SBNO1: variants seen among roughly 807,000 people sequenced by gnomAD.
SBNO1 encodes strawberry notch homolog 1.
SBNO1 carries 23 observed loss-of-function variants against 173.6 expected under a neutral mutation model. That is an observed-to-expected ratio of 0.13 (90% CI 0.10 to 0.19). The LOEUF (loss-of-function observed/expected upper bound fraction) is 0.19, where lower values mean the gene tolerates loss of function less well. Ranked by LOEUF, SBNO1 falls within the 10% of genes least tolerant of loss-of-function variation. SBNO1 has a pLI of 1.00. For missense variants in SBNO1, 1,238 were observed against 1,671.2 expected, an observed-to-expected ratio of 0.74 and a Z score of 4.52; for synonymous variants, 632 against 571.5, an observed-to-expected ratio of 1.11 and a Z score of -1.51.
At position 123,359,595 on chromosome 12, in the gene SBNO1, T is replaced by C. The variant is rs567696090; in HGVS notation, c.-1+5106A>G. 2.6e-4 allele frequency among the ~76,000 whole-genome samples: 40 copies of C among 151,836 alleles called. No individual in the cohort carries two copies. The East Asian group carries it at 6.6e-3, about 25-fold the overall frequency. On this transcript the variant is annotated intron_variant, in intron 1 of 31. Transcript: ENST00000602398. Reference sequence around the variant, plus strand: ...ATATATATATAGTTGTATGGGTATATGTATACTAGGTCACAATGTAAACCG... The same window carrying C: ...ATATATATATAGTTGTATGGGTATACGTATACTAGGTCACAATGTAAACCG...
chr12:123,297,998 TC>T lies in SBNO1; in HGVS notation c.4018del (p.Glu1340LysfsTer7). Reference protein sequence around the residue: ...VKMQIVRLRTEDGQRIVGLII... With the variant: ...VKMQIVRLRTXDGQRIVGLII... ...CTCACCTACAATCCGTTGCCCATCTTCCGTTCTTAGCCGCACGATCTGCATC... is the reference window on the plus strand; with the variant it reads ...CTCACCTACAATCCGTTGCCCATCTTCGTTCTTAGCCGCACGATCTGCATC... On this transcript the variant is annotated frameshift_variant, in exon 31 of 32. Coordinates refer to ENST00000602398, the MANE Select transcript of SBNO1 (RefSeq NM_001167856.3). LOFTEE classifies it high-confidence loss of function. 6.2e-7 allele frequency: 1 copy of T among 1,613,908 alleles called. No homozygotes were observed. The highest frequency in any genetic ancestry group is 8.5e-7 in the Non-Finnish European group (1 of 1,179,950).
intron 21 of SBNO1, 86 bp downstream of exon 21, chr12:123,317,135 G>C: frequency 7.1e-7 from 1 of 1,410,638 alleles, no homozygotes; most frequent in South Asian, 1.2e-5. Context: ...TCTGTGCCCG[G>C]CCTAAACCTA....
At chr12:123,361,028 G>C (rs1323144395) in intron 1 of SBNO1, among the ~76,000 whole-genome samples, 1 of 151,858 alleles carries the variant, frequency 6.6e-6, no homozygotes, top group Admixed American at 6.6e-5. Context: ...GGCGGATCAC[G>C]AGATCAAGAG....
In SBNO1 at chr12:123,317,286, T is replaced by C; in HGVS notation, c.2870A>G (p.Gln957Arg). The C allele has an allele frequency of 6.2e-7, 1 of 1,614,166 alleles. No homozygotes were observed. The highest frequency in any genetic ancestry group is 1.1e-5 in the South Asian group (1 of 91,090). Reference protein sequence around the residue: ...SLQADRRAKNQRRRVHMTLEL... With the variant: ...SLQADRRAKNRRRRVHMTLEL... ...TAAAGTCATATGAACTCTTCGCCTT[T>C]GATTTTTAGCTCTCCTATCTGCTTG... Residue 957 changes from glutamine (Q) to arginine (R), a missense_variant, in exon 21 of 32, where the codon CAA (glutamine) becomes CGA (arginine). This residue lies in a region of SBNO1 where 39 missense variants were observed against 129.7 expected (regional missense o/e 0.30). Transcript: ENST00000602398.
intron 16 of SBNO1, 92 bp downstream of exon 16, chr12:123,323,588 T>G (rs1870260873): frequency 2.4e-6 from 2 of 823,328 alleles, no homozygotes; most frequent in African/African-American, 1.8e-5. Flanking sequence ...TCTCCTGACC[T>G]CGTGATCTGC....
At chr12:123,305,077 T>A (rs2048881077) in intron 28 of SBNO1, among the ~76,000 whole-genome samples, 1 of 152,190 alleles carries the variant, frequency 6.6e-6, no homozygotes, top group Non-Finnish European at 1.5e-5. Context: ...AAACCAAGTG[T>A]AATAAAATGT....
At chr12:123,357,253 A>G (rs1015637716) in intron 1 of SBNO1, among the ~76,000 whole-genome samples, 2 of 151,692 alleles carry the variant, frequency 1.3e-5, no homozygotes, top group African/African-American at 4.8e-5. Flanking sequence ...TCGAGACCTG[A>G]CCAGCCTGGT....
intron 1 of SBNO1, 26 bp from the exon 2 acceptor site, chr12:123,350,467 A>C (rs1238824691): frequency 6.4e-7 from 1 of 1,550,682 alleles, no homozygotes; most frequent in African/African-American, 1.4e-5. Context: ...TTAAATATTA[A>C]CATAAAAAAC....
chr12:123,337,062 A>C (rs11057278), intron 5 of SBNO1, among the ~76,000 whole-genome samples: 3,236 of 152,326 alleles, frequency 0.021, 44 homozygotes, highest in Non-Finnish European at 0.03. Flanking sequence ...GCCCTTATGA[A>C]GAACAGAAAA....
At chr12:123,304,338 G>A (rs1380864332) in intron 29 of SBNO1, 3 of 335,426 alleles carry the variant, frequency 8.9e-6, no homozygotes, top group South Asian at 5.9e-5. Context: ...GGGTTCAAGT[G>A]ATTCTCCTAC....
chr12:123,293,538 C>G lies in SBNO1; in HGVS notation c.*2370G>C, dbSNP rs1045078340. On this transcript the variant is annotated 3_prime_UTR_variant, in exon 32 of 32. Coordinates refer to ENST00000602398, the MANE Select transcript of SBNO1 (RefSeq NM_001167856.3). ...CCATGACCAGCCTGGGCATGCAGCA[C>G]CCCAGCTCCCATCCATTCACACTGG... 1.3e-5 allele frequency: 2 copies of G among 152,122 alleles called. No individual in the cohort carries two copies. Among genetic ancestry groups the G allele is most frequent in the South Asian group, 4.1e-4 (2 of 4,820 alleles). The allele number at this position is 152,122 out of a possible 1,614,324, so 9.4% of individuals were successfully genotyped here.
intron 5 of SBNO1, among the ~76,000 whole-genome samples, chr12:123,340,485 G>A (rs1483321634): frequency 6.6e-6 from 1 of 150,740 alleles, no homozygotes; most frequent in African/African-American, 2.4e-5. Flanking sequence ...AGAGGCTGAG[G>A]TGGGAGAATC....
At position 123,328,748 on chromosome 12, in the gene SBNO1, C is replaced by A; in HGVS notation, c.1282G>T (p.Asp428Tyr). Residue 428 changes from aspartate to tyrosine, a missense_variant, in exon 10 of 32, where the codon GAC (aspartate) becomes TAC (tyrosine). Asp to Tyr is a radical substitution (Grantham distance 160). Coordinates refer to ENST00000602398, the MANE Select transcript of SBNO1 (RefSeq NM_001167856.3). ...LKQLLHWCGD[D>Y]FDGVIVFDEC... ...ATAAAGGATACCACTCCATCGAAGT[C>A]ATCACCGCACCAATGCAGAAGTTGT... 3 of 1,558,216 alleles carry A rather than the reference C, an allele frequency of 1.9e-6. No individual in the cohort carries two copies. The highest frequency in any genetic ancestry group is 1.2e-5 in the South Asian group (1 of 82,028).
intron 1 of SBNO1, chr12:123,363,817 A>G: frequency 4.1e-6 from 4 of 976,966 alleles, no homozygotes; most frequent in South Asian, 4.7e-5. Flanking sequence ...AACATTAACC[A>G]AACAGAAGCA....
At chr12:123,307,020 TAAA>T (rs34105162) in intron 28 of SBNO1, among the ~76,000 whole-genome samples, 7 of 64,428 alleles carry the variant, frequency 1.1e-4, no homozygotes, top group East Asian at 7.3e-4. Context: ...TCAACTGCAT[TAAA>T]AAAAAAAAAA....
chr12:123,318,260 C>T (rs552533972), intron 20 of SBNO1, among the ~76,000 whole-genome samples: 4 of 152,134 alleles, frequency 2.6e-5, no homozygotes, highest in African/African-American at 9.6e-5. Context: ...GCAAACATGA[C>T]GAAACCTTGT....
At chr12:123,334,437 G>T (rs1871590690) in intron 6 of SBNO1, among the ~76,000 whole-genome samples, 1 of 152,198 alleles carries the variant, frequency 6.6e-6, no homozygotes, top group Non-Finnish European at 1.5e-5. Context: ...GGCCAGGTGG[G>T]TGGCTCACGC....
chr12:123,298,281 G>A lies in SBNO1; in HGVS notation c.3846-110C>T, dbSNP rs139466705. On this transcript the variant is annotated intron_variant, in intron 30 of 31. Coordinates refer to ENST00000602398, the MANE Select transcript of SBNO1 (RefSeq NM_001167856.3). ...ATTTCTTTTCTTTTCTTTTTTTTTT[G>A]TTGAGATGGAGTTTTGCTCTTGTTG... is the stretch of plus-strand genomic sequence containing the variant. 6,691 of 1,098,206 alleles carry A rather than the reference G, an allele frequency of 6.1e-3. 322 individuals carry two copies. In the African/African-American group the frequency reaches 0.099, roughly 16 times the overall value. 68.0% of individuals were successfully genotyped at this position (1,098,206 alleles called of 1,614,324 possible).
At chr12:123,363,883 C>A (rs747851732) in intron 1 of SBNO1, 289 of 985,504 alleles carry the variant, frequency 2.9e-4, no homozygotes, top group Non-Finnish European at 3.4e-4. Context: ...AAGAAACAAT[C>A]AGAAGGGTTT....
Sources: allele counts gnomAD v4.1 joint callset (sites outside exome capture counted in the v4.1 genomes callset), GRCh38; gene constraint gnomAD v4.1.1; regional missense constraint gnomAD v4.1.1; transcripts MANE v1.5; gene names NCBI Gene and HGNC (gene_info 2026-07-23, HGNC 2026-07-21).